Variants in ZC3H14 observed in about 807,000 individuals in gnomAD.
ZC3H14 encodes zinc finger CCCH-type containing 14, also known as zinc finger CCCH domain-containing protein 14.
ZC3H14 carries 31 observed loss-of-function variants against 92.4 expected under a neutral mutation model. The ratio of observed to expected loss-of-function variants is 0.34; its 90% CI spans 0.25 to 0.45. The LOEUF (loss-of-function observed/expected upper bound fraction) is 0.45, where lower values mean the gene tolerates loss of function less well. Ranked by LOEUF, ZC3H14 falls within the 20% of genes least tolerant of loss-of-function variation. ZC3H14 has a pLI of 1.00. For synonymous variants in ZC3H14, 321 were observed against 300.9 expected (o/e 1.07, Z -0.69); for missense variants, 781 against 897.3 (o/e 0.87, Z 1.66).
chr14:88,585,679 C>T (rs1024075847), intron 9 of ZC3H14, among the ~76,000 whole-genome samples: 2 of 152,106 alleles, frequency 1.3e-5, no homozygotes, highest in Non-Finnish European at 2.9e-5. Flanking sequence ...TGTGAGCCAC[C>T]ATGCTTGGCC....
At position 88,620,727 on chromosome 14, in the gene ZC3H14, G is replaced by A; in HGVS notation, c.*8976G>A. ...TGGAAGTTAAATCAAGTATATACTA[G>A]AAACTCTATTCCATTTGTTCACTAA... is the stretch of plus-strand genomic sequence containing the variant. On this transcript the variant is annotated 3_prime_UTR_variant, in exon 17 of 17. Coordinates refer to ENST00000251038, the MANE Select transcript of ZC3H14 (RefSeq NM_024824.5). The surrounding 1 kb of genome is among the most constrained non-coding windows in gnomAD (Gnocchi z 4.3). 1.3e-6 allele frequency: 2 copies of A among 1,516,534 alleles called. No individual in the cohort carries two copies. Among genetic ancestry groups the A allele is most frequent in the Non-Finnish European group, 1.8e-6 (2 of 1,138,146 alleles). 93.9% of individuals were successfully genotyped at this position (1,516,534 alleles called of 1,614,324 possible).
At chr14:88,563,787 T>C (rs1595450332) in intron 2 of ZC3H14, 94 bp downstream of exon 2, 3 of 1,228,310 alleles carry the variant, frequency 2.4e-6, no homozygotes, top group African/African-American at 3.0e-5. Context: ...ACTTTGGACA[T>C]TGGGAGAGAC....
chr14:88,588,711 C>T (rs1020133647), intron 9 of ZC3H14, among the ~76,000 whole-genome samples: 1 of 152,008 alleles, frequency 6.6e-6, no homozygotes, highest in African/African-American at 2.4e-5. Context: ...ATTTGCTGTC[C>T]TTGTTTTCAT....
In ZC3H14 at chr14:88,618,866, C is replaced by A; in HGVS notation, c.*7115C>A. On this transcript the variant is annotated 3_prime_UTR_variant, in exon 17 of 17. Transcript: ENST00000251038. ...TAGACCACATGAAGTATTATAAATACTTAAGATCAGTGACTTTTCCTTTCT... is the reference window on the plus strand; with the variant it reads ...TAGACCACATGAAGTATTATAAATAATTAAGATCAGTGACTTTTCCTTTCT... 6.7e-7 allele frequency: 1 copy of A among 1,481,558 alleles called. No homozygotes were observed. The allele number at this position is 1,481,558 out of a possible 1,614,324, so 91.8% of individuals were successfully genotyped here. A position where few individuals can be genotyped will look rare whatever the true frequency, so the allele number is the denominator to read the frequency against.
chr14:88,586,833 T>TA (rs1184566062), intron 9 of ZC3H14: 5 of 152,156 alleles, frequency 3.3e-5, no homozygotes, highest in African/African-American at 1.2e-4. Flanking sequence ...AGATTAAAAA[T>TA]AAAAAGCAAC....
rs1210850777 is a variant in ZC3H14, at chr14:88,622,378, A to G, written c.*10627A>G. 8.0e-6 allele frequency: 3 copies of G among 377,184 alleles called. No homozygotes were observed. Among genetic ancestry groups the G allele is most frequent in the African/African-American group, 2.1e-5 (1 of 48,204 alleles). 23.4% of individuals were successfully genotyped at this position (377,184 alleles called of 1,614,324 possible). On this transcript the variant is annotated 3_prime_UTR_variant, in exon 17 of 17. Coordinates refer to ENST00000251038, the MANE Select transcript of ZC3H14 (RefSeq NM_024824.5). ...GTTAAATTGGCAGATTCTAGAAAAT[A>G]TTGGAGGTTTACATACAGTATTTAG...
In ZC3H14 at chr14:88,575,950, ATG is replaced by A. The variant is rs755174621; in HGVS notation, c.1123+12_1123+13del. 11 of 1,583,396 alleles carry A rather than the reference ATG, an allele frequency of 6.9e-6. No individual in the cohort carries two copies. The East Asian group carries it at 2.2e-4, about 32-fold the overall frequency. On this transcript the variant is annotated intron_variant, in intron 8 of 16. Transcript: ENST00000251038. ...ACTAACTACTCTACAGGTAATTTAA[ATG>A]TATTATGTTTACACTTGGTAAGACA... is the stretch of plus-strand genomic sequence containing the variant.
chr14:88,622,044 G>C lies in ZC3H14; in HGVS notation c.*10293G>C, dbSNP rs2983488. 321,934 of 321,946 alleles carry C rather than the reference G, an allele frequency of 1. 160,961 individuals are homozygous for C. Among genetic ancestry groups the C allele is most frequent in the Middle Eastern group, 1 (2,438 of 2,438 alleles). 19.9% of individuals were successfully genotyped at this position (321,946 alleles called of 1,614,324 possible). A position where few individuals can be genotyped will look rare whatever the true frequency, so the allele number is the denominator to read the frequency against. ...CCCTATCCCCCTCCCCCTCCCCCTT[G>C]TCCGCCTCCAGTAACCACTATTCTA... On this transcript the variant is annotated 3_prime_UTR_variant, in exon 17 of 17. Coordinates refer to ENST00000251038, the MANE Select transcript of ZC3H14 (RefSeq NM_024824.5).
chr14:88,592,562 G>A (rs551342130), intron 9 of ZC3H14, among the ~76,000 whole-genome samples: 4 of 130,674 alleles, frequency 3.1e-5, no homozygotes, highest in East Asian at 2.6e-4. Flanking sequence ...GTGCAGTGGC[G>A]CAGTCTCACT....
chr14:88,622,729 A>C lies in ZC3H14; in HGVS notation c.*10978A>C. On this transcript the variant is annotated 3_prime_UTR_variant, in exon 17 of 17. Transcript: ENST00000251038. ...CCTCCTTCTTTTGACCTAAGTAAAT[A>C]ACCAAGCCAGAGTAAGTGTTCATTA... 1 of 1,580,968 alleles carries C rather than the reference A, an allele frequency of 6.3e-7. No homozygotes were observed. Among genetic ancestry groups the C allele is most frequent in the African/African-American group, 1.4e-5 (1 of 73,894 alleles).
In ZC3H14 at chr14:88,621,470, C is replaced by T; in HGVS notation, c.*9719C>T. 1.5e-6 allele frequency: 1 copy of T among 660,588 alleles called. No homozygotes were observed. Among genetic ancestry groups the T allele is most frequent in the South Asian group, 1.9e-5 (1 of 53,626 alleles). The allele number at this position is 660,588 out of a possible 1,614,324, so 40.9% of individuals were successfully genotyped here. A position where few individuals can be genotyped will look rare whatever the true frequency, so the allele number is the denominator to read the frequency against. ...GCAAATTTTTCTATGACTACAGGCA[C>T]ACATCTATCTGTAAGCACAATGGGC... On this transcript the variant is annotated 3_prime_UTR_variant, in exon 17 of 17. Coordinates refer to ENST00000251038, the MANE Select transcript of ZC3H14 (RefSeq NM_024824.5).
intron 12 of ZC3H14, 112 bp from the exon 13 acceptor site, chr14:88,607,131 C>T (rs1339745637): frequency 1.3e-6 from 2 of 1,509,916 alleles, no homozygotes; most frequent in South Asian, 2.3e-5. Context: ...TTTTATATGA[C>T]TGTACATTTA....
rs1414638071 is a variant in ZC3H14 at position 88,627,046 on chromosome 14, C to T, written c.*15295C>T. 6.2e-7 allele frequency: 1 copy of T among 1,613,614 alleles called. No homozygotes were observed. ...ACCAGCTCTGCTGGCAATTTTGGCA[C>T]CTGACAAGATACAACAAAATTATCT... On this transcript the variant is annotated 3_prime_UTR_variant, in exon 17 of 17. Coordinates refer to ENST00000251038, the MANE Select transcript of ZC3H14 (RefSeq NM_024824.5).
chr14:88,616,344 T>A lies in ZC3H14; in HGVS notation c.*4593T>A. 1.7e-6 allele frequency: 2 copies of A among 1,159,972 alleles called. No homozygotes were observed. Among genetic ancestry groups the A allele is most frequent in the South Asian group, 1.3e-5 (1 of 76,970 alleles). 71.9% of individuals were successfully genotyped at this position (1,159,972 alleles called of 1,614,324 possible). On this transcript the variant is annotated 3_prime_UTR_variant, in exon 17 of 17. Coordinates refer to ENST00000251038, the MANE Select transcript of ZC3H14 (RefSeq NM_024824.5). Reference sequence around the variant, plus strand: ...TCTATGACAAGAGCTGTGGAGAGAGTAGGGAGTTAGCACCGCAGCCAGTGA... The same window carrying A: ...TCTATGACAAGAGCTGTGGAGAGAGAAGGGAGTTAGCACCGCAGCCAGTGA...
intron 2 of ZC3H14, among the ~76,000 whole-genome samples, chr14:88,565,910 C>T (rs751037328): frequency 2.3e-4 from 35 of 150,272 alleles, no homozygotes; most frequent in Admixed American, 1.1e-3. Flanking sequence ...CTCTGTGGTT[C>T]GGGCTGGAGT....
chr14:88,617,025 C>G lies in ZC3H14; in HGVS notation c.*5274C>G. 1.6e-6 allele frequency: 1 copy of G among 615,622 alleles called. No individual in the cohort carries two copies. The highest frequency in any genetic ancestry group is 2.6e-6 in the Non-Finnish European group (1 of 379,506). The allele number at this position is 615,622 out of a possible 1,614,324, so 38.1% of individuals were successfully genotyped here. The stretch of plus-strand genomic sequence containing the variant: ...TAAATTATGGTAAGTTGTTTGGAGA[C>G]CTGAATTTCATCAGGATATCAACTC... On this transcript the variant is annotated 3_prime_UTR_variant, in exon 17 of 17. Coordinates refer to ENST00000251038, the MANE Select transcript of ZC3H14 (RefSeq NM_024824.5).
chr14:88,596,768 A>G lies in ZC3H14; in HGVS notation c.1314A>G (p.Gln438=). 6.2e-7 allele frequency: 1 copy of G among 1,614,110 alleles called. No homozygotes were observed. Among genetic ancestry groups the G allele is most frequent in the Non-Finnish European group, 8.5e-7 (1 of 1,179,982 alleles). ...AGAGGCAATTATTATCCCGACTGCA[A>G]ATCGACCCAGTAATGGCAGAAACTC... ...TQQRQLLSRL[Q]IDPVMAETLQ... is the part of the protein sequence containing the mutation. Residue 438 remains glutamine (Q), a synonymous_variant, in exon 10 of 17, where the codon CAA becomes CAG. Transcript: ENST00000251038.
chr14:88,579,291 T>G (rs569111738), intron 9 of ZC3H14, among the ~76,000 whole-genome samples: 48 of 152,284 alleles, frequency 3.2e-4, no homozygotes, highest in African/African-American at 1.1e-3. Context: ...CATGACAGCG[T>G]TATATACTAT....
Position 88,572,977 on chromosome 14 carries a change from T to G in ZC3H14, c.831T>G (p.Phe277Leu). Residue 277 changes from phenylalanine (F) to leucine (L), a missense_variant, in exon 6 of 17, where the codon TTT becomes TTG. Coordinates refer to ENST00000251038, the MANE Select transcript of ZC3H14 (RefSeq NM_024824.5). ...NSLEETYSPF[F>L]RNNSEKMSME... ...TAGAAGAAACGTATAGTCCGTTCTT[T>G]AGAAACAACTCGGAGAAAATGAGTA... 3.1e-6 allele frequency: 5 copies of G among 1,614,124 alleles called. No homozygotes were observed. The highest frequency in any genetic ancestry group is 1.3e-5 in the African/African-American group (1 of 75,058).
Sources: gnomAD v4.1 joint callset for allele counts (sites outside exome capture counted in the v4.1 genomes callset) on GRCh38, gnomAD v4.1.1 for gene constraint, Gnocchi (gnomAD v3.1) non-coding constraint, MANE v1.5 for transcripts, NCBI Gene and HGNC (gene_info 2026-07-23, HGNC 2026-07-21) for gene names.